Variants in PACSIN2 observed in about 807,000 individuals in gnomAD.
PACSIN2 encodes protein kinase C and casein kinase substrate in neurons protein 2.
A neutral mutation model predicts 63.8 loss-of-function variants in PACSIN2; 25 were observed. The observed-to-expected ratio is 0.39, with a 90% CI of 0.29 to 0.55. The LOEUF (loss-of-function observed/expected upper bound fraction) is 0.55, where lower values mean the gene tolerates loss of function less well. Among genes scored for constraint, PACSIN2 ranks in the 20% least tolerant of loss-of-function variants. The pLI is 0.62. For synonymous variants in PACSIN2, 255 were observed against 256.2 expected, an observed-to-expected ratio of 1.00 and a Z score of 0.05; for missense variants, 518 against 646.9, an observed-to-expected ratio of 0.80 and a Z score of 2.16.
intron 1 of PACSIN2, among the ~76,000 whole-genome samples, chr22:43,000,521 T>C (rs977111924): frequency 2.0e-5 from 3 of 152,222 alleles, no homozygotes; most frequent in Non-Finnish European, 4.4e-5. Context: ...TATGTTAAAC[T>C]ATTTCTAAAT....
chr22:42,924,155 C>A (rs914223578), intron 1 of PACSIN2, among the ~76,000 whole-genome samples: 1 of 151,958 alleles, frequency 6.6e-6, no homozygotes, highest in African/African-American at 2.4e-5. Context: ...CTTTAGGGAG[C>A]GGGGGAGGTC....
At chr22:42,898,198 C>T (rs1342336266) in intron 2 of PACSIN2, among the ~76,000 whole-genome samples, 1 of 152,026 alleles carries the variant, frequency 6.6e-6, no homozygotes, top group Admixed American at 6.5e-5. Flanking sequence ...CCCTGGCTCC[C>T]AGACAGGTTT....
intron 1 of PACSIN2, among the ~76,000 whole-genome samples, chr22:42,982,901 G>T (rs1260169567): frequency 1.4e-5 from 1 of 73,606 alleles, no homozygotes; most frequent in Non-Finnish European, 2.7e-5. Flanking sequence ...CAACAACAAG[G>T]CTAGGAGCAG....
chr22:43,012,998 G>A (rs1302074850), intron 1 of PACSIN2, among the ~76,000 whole-genome samples: 1 of 152,076 alleles, frequency 6.6e-6, no homozygotes, highest in Admixed American at 6.6e-5. Context: ...CACCATGTTA[G>A]CCAGGCTGGT....
At chr22:42,899,527 C>CAGA (rs1452817505) in intron 2 of PACSIN2, among the ~76,000 whole-genome samples, 5 of 152,164 alleles carry the variant, frequency 3.3e-5, no homozygotes, top group Non-Finnish European at 7.3e-5. Context: ...TGGCAACCAC[C>CAGA]AGAGAGTGGG....
intron 2 of PACSIN2, among the ~76,000 whole-genome samples, chr22:42,908,035 C>A (rs1454594268): frequency 6.7e-6 from 1 of 149,862 alleles, no homozygotes; most frequent in East Asian, 2.7e-4. Flanking sequence ...CTCTTCAGGG[C>A]TAACATTCCC....
At chr22:42,933,159 T>C (rs1480389267) in intron 1 of PACSIN2, among the ~76,000 whole-genome samples, 1 of 152,240 alleles carries the variant, frequency 6.6e-6, no homozygotes, top group Non-Finnish European at 1.5e-5. Context: ...GAAAACCTTG[T>C]TATCCCTGAA....
Position 42,974,155 on chromosome 22 carries a change from T to C in PACSIN2, c.-78+40866A>G, listed in dbSNP as rs193124521. On this transcript the variant is annotated intron_variant, in intron 1 of 10. Coordinates refer to ENST00000263246, the MANE Select transcript of PACSIN2 (RefSeq NM_001184970.3). ...TGTCCTGAAATCTATGTAAGTCTCCTTCCCTCCGTATCCCTATGTCGACTC... is the reference window on the plus strand; with the variant it reads ...TGTCCTGAAATCTATGTAAGTCTCCCTCCCTCCGTATCCCTATGTCGACTC... 7.2e-5 allele frequency among the ~76,000 whole-genome samples: 11 copies of C among 152,336 alleles called. No homozygotes were observed. In the East Asian group the frequency reaches 1.7e-3, roughly 24 times the overall value.
At chr22:43,006,125 C>G (rs1323673934) in intron 1 of PACSIN2, among the ~76,000 whole-genome samples, 1 of 152,112 alleles carries the variant, frequency 6.6e-6, no homozygotes, top group East Asian at 1.9e-4. Context: ...CCTGAGAGCT[C>G]TCTCGCCTTC....
chr22:42,982,888 A>AAAAAAAAAAAAAACAAC (rs759532303), intron 1 of PACSIN2, among the ~76,000 whole-genome samples: 36 of 105,202 alleles, frequency 3.4e-4, no homozygotes, highest in Non-Finnish European at 5.6e-4. Flanking sequence ...AAAAAAAAAA[A>AAAAAAAAAAAAAACAAC]AACAACAACA....
chr22:42,990,919 A>G (rs1216900696), intron 1 of PACSIN2, among the ~76,000 whole-genome samples: 1 of 152,222 alleles, frequency 6.6e-6, no homozygotes, highest in East Asian at 1.9e-4. Context: ...GACTTCTTCC[A>G]GATGGTCACC....
At chr22:42,992,680 A>G (rs1333023953) in intron 1 of PACSIN2, among the ~76,000 whole-genome samples, 2 of 152,224 alleles carry the variant, frequency 1.3e-5, no homozygotes, top group African/African-American at 4.8e-5. Context: ...TTCACGACAT[A>G]GCATCTTCAT....
At chr22:42,984,258 T>C (rs761956899) in intron 1 of PACSIN2, among the ~76,000 whole-genome samples, 8 of 152,048 alleles carry the variant, frequency 5.3e-5, no homozygotes, top group Non-Finnish European at 8.8e-5. Context: ...AGGTGTGAGC[T>C]ACCACCCACT....
intron 6 of PACSIN2, among the ~76,000 whole-genome samples, chr22:42,882,902 TTCTCTGGG>T (rs1181862721): frequency 6.6e-6 from 1 of 152,180 alleles, no homozygotes; most frequent in Non-Finnish European, 1.5e-5. Context: ...GTCATGTACT[TTCTCTGGG>T]CCTCGGTTTC....
At chr22:42,972,036 A>T (rs956014919) in intron 1 of PACSIN2, among the ~76,000 whole-genome samples, 1 of 152,156 alleles carries the variant, frequency 6.6e-6, no homozygotes, top group Non-Finnish European at 1.5e-5. Flanking sequence ...AGAACGGGCC[A>T]TGATGACAAT....
At chr22:42,927,345 A>G (rs1336884558) in intron 1 of PACSIN2, among the ~76,000 whole-genome samples, 1 of 152,112 alleles carries the variant, frequency 6.6e-6, no homozygotes, top group Non-Finnish European at 1.5e-5. Flanking sequence ...CCCGAGTTCA[A>G]GCAACTTTCA....
chr22:42,886,801 C>T (rs573535627), intron 5 of PACSIN2, among the ~76,000 whole-genome samples: 17 of 152,202 alleles, frequency 1.1e-4, no homozygotes, highest in African/African-American at 3.6e-4. Context: ...ACCAAAGAGG[C>T]AGGGAGGGTC....
chr22:42,918,323 G>C (rs775961100), intron 1 of PACSIN2, among the ~76,000 whole-genome samples: 13 of 152,164 alleles, frequency 8.5e-5, no homozygotes, highest in Non-Finnish European at 1.5e-4. Flanking sequence ...CCTGGAGTCT[G>C]CCATGTTTGC....
intron 10 of PACSIN2, among the ~76,000 whole-genome samples, chr22:42,874,321 ATT>A (rs1273856062): frequency 2.0e-4 from 17 of 83,040 alleles, no homozygotes; most frequent in African/African-American, 1.3e-3. Flanking sequence ...CCGTGTCTCT[ATT>A]AAAAAAAAAA....
Sources: allele counts gnomAD v4.1 joint callset (sites outside exome capture counted in the v4.1 genomes callset), GRCh38; gene constraint gnomAD v4.1.1; transcripts MANE v1.5; gene names NCBI Gene and HGNC (gene_info 2026-07-23, HGNC 2026-07-21).